Variants in PHYHIP observed in about 807,000 individuals in gnomAD.
The protein encoded by PHYHIP is phytanoyl-CoA hydroxylase-interacting protein.
PHYHIP carries 7 observed loss-of-function variants against 26.1 expected under a neutral mutation model. That is an observed-to-expected ratio of 0.27 (90% confidence interval 0.15 to 0.50). The LOEUF is 0.50. PHYHIP is among the 20% of genes least tolerant of loss of function. The pLI, the probability that PHYHIP is intolerant of heterozygous loss-of-function variation, is 0.98. For synonymous variants in PHYHIP, 206 were observed against 183.4 expected (o/e 1.12, Z -1.00); for missense variants, 232 against 454.7 (o/e 0.51, Z 4.45).
At chr8:22,223,582 G>T (rs139615205) in intron 4 of PHYHIP, among the ~76,000 whole-genome samples, 1 of 152,282 alleles carries the variant, frequency 6.6e-6, no homozygotes, top group African/African-American at 2.4e-5. Context: ...TAGGCTGAGG[G>T]TGTTGGATCA....
At chr8:22,231,419 C>T (rs1268095509) in intron 1 of PHYHIP, among the ~76,000 whole-genome samples, 2 of 152,226 alleles carry the variant, frequency 1.3e-5, no homozygotes, top group Non-Finnish European at 2.9e-5. Flanking sequence ...TGCGGACAGA[C>T]GGACCTATCT....
Position 22,226,947 on chromosome 8 carries a change from T to A in PHYHIP, c.244A>T (p.Thr82Ser). ...GTCTGCACGGCCACACTGTACTCCG[T>A]GCGGGGGCTCAGGAACCAGTGGCCT... ...VRGHWFLSPR[T>S]EYSVAVQTAV... Residue 82 changes from threonine to serine, a missense_variant, in exon 3 of 5, where the codon ACG becomes TCG. Transcript: ENST00000454243. 6.2e-7 allele frequency: 1 copy of A among 1,614,056 alleles called. No individual in the cohort carries two copies. Among genetic ancestry groups the A allele is most frequent in the Non-Finnish European group, 8.5e-7 (1 of 1,180,010 alleles).
At chr8:22,223,157 G>A (rs1157325977) in intron 4 of PHYHIP, among the ~76,000 whole-genome samples, 1 of 151,974 alleles carries the variant, frequency 6.6e-6, no homozygotes, top group Admixed American at 6.6e-5. Context: ...GAGGTCAGGA[G>A]TTTGAGACCA....
chr8:22,221,827 G>C lies in PHYHIP; in HGVS notation c.519C>G (p.Ser173=), dbSNP rs773262808. ...CCCCGTGGAGCATACCGCTGGTGGGGGAGCCGTGGCTGCCACTGTTGTCCT... is the reference window on the plus strand; with the variant it reads ...CCCCGTGGAGCATACCGCTGGTGGGCGAGCCGTGGCTGCCACTGTTGTCCT... ...YLKDNSGSHG[S]PTSGMLHGVF... is the part of the protein sequence containing the mutation. The change falls in exon 5 of 5, where the codon TCC becomes TCG. Residue 173 remains serine (S), a synonymous_variant. Coordinates refer to ENST00000454243, the MANE Select transcript of PHYHIP (RefSeq NM_014759.5). The surrounding 1 kb of genome is among the most constrained non-coding windows in gnomAD (Gnocchi z 7.9). 1.9e-6 allele frequency: 3 copies of C among 1,592,608 alleles called. No homozygotes were observed. The East Asian group carries it at 6.8e-5, about 36-fold the overall frequency.
intron 1 of PHYHIP, 150 bp from the exon 2 acceptor site, chr8:22,228,536 G>A: frequency 1.8e-6 from 1 of 563,032 alleles, no homozygotes; most frequent in Non-Finnish European, 3.2e-6. Flanking sequence ...GTACAGGGGA[G>A]GCTGGAGAAG....
intron 2 of PHYHIP, chr8:22,227,567 CT>C: frequency 2.2e-6 from 1 of 455,982 alleles, no homozygotes; most frequent in Non-Finnish European, 4.4e-6. Flanking sequence ...CTCACTCCCC[CT>C]GCCTCTGCCA....
Position 22,221,584 on chromosome 8 carries a change from C to A in PHYHIP, c.762G>T (p.Leu254=). 6.2e-7 allele frequency: 1 copy of A among 1,614,080 alleles called. No individual in the cohort carries two copies. Among genetic ancestry groups the A allele is most frequent in the Non-Finnish European group, 8.5e-7 (1 of 1,180,008 alleles). Residue 254 remains leucine (L), a synonymous_variant, in exon 5 of 5, where the codon CTG becomes CTT. Transcript: ENST00000454243. This position sits in a 1 kb window ranked among gnomAD's most constrained non-coding sequence, Gnocchi z 7.9. ...TGTTGCAAGCAATGTCCAGGAGGGG[C>A]AGGCGGTCGCGGCAGAAGCGGTCCC... ...SLGDRFCRDR[L]PLLDIACNKF...
Position 22,224,353 on chromosome 8 carries a change from C to A in PHYHIP, c.341-10G>T, listed in dbSNP as rs1586489409. 1 of 1,526,596 alleles carries A rather than the reference C, an allele frequency of 6.6e-7. No individual in the cohort carries two copies. Among genetic ancestry groups the A allele is most frequent in the East Asian group, 2.2e-5 (1 of 44,456 alleles). The allele number at this position is 1,526,596 out of a possible 1,614,324, so 94.6% of individuals were successfully genotyped here. A position where few individuals can be genotyped will look rare whatever the true frequency, so the allele number is the denominator to read the frequency against. Reference sequence around the variant, plus strand: ...TGCTCCTTGGCATAATCTGCAAGATCCCAGATGCGGTAGGTGAGCCGAGGG... The same window carrying A: ...TGCTCCTTGGCATAATCTGCAAGATACCAGATGCGGTAGGTGAGCCGAGGG... On this transcript the variant is annotated splice_polypyrimidine_tract_variant and intron_variant, in intron 3 of 4. Transcript: ENST00000454243.
At chr8:22,228,072 G>T in intron 2 of PHYHIP, 121 bp downstream of exon 2, 2 of 805,988 alleles carry the variant, frequency 2.5e-6, no homozygotes, top group South Asian at 3.3e-5. Context: ...AATGACACAG[G>T]AAGAAGAGTG....
At chr8:22,226,368 T>G (rs1279159776) in intron 3 of PHYHIP, among the ~76,000 whole-genome samples, 4 of 152,182 alleles carry the variant, frequency 2.6e-5, no homozygotes, top group African/African-American at 9.6e-5. Flanking sequence ...GAAAGTAGAA[T>G]GGTAGCTAGC....
chr8:22,227,327 C>T (rs1340928580), intron 2 of PHYHIP, among the ~76,000 whole-genome samples: 5 of 152,178 alleles, frequency 3.3e-5, no homozygotes. Flanking sequence ...GAGAGCTCTG[C>T]ACACTGCAGT....
chr8:22,228,370 G>T lies in PHYHIP; in HGVS notation c.-13C>A. The T allele has an allele frequency of 6.4e-7, 1 of 1,574,630 alleles. No homozygotes were observed. Among genetic ancestry groups the T allele is most frequent in the Non-Finnish European group, 8.6e-7 (1 of 1,159,348 alleles). On this transcript the variant is annotated 5_prime_UTR_variant, in exon 2 of 5. Transcript: ENST00000454243. ...ACAGCAGCTCCATGCTCCCGTCAGGGTTGTCTCCTGTGGGGACTGAGGAGG... is the reference window on the plus strand; with the variant it reads ...ACAGCAGCTCCATGCTCCCGTCAGGTTTGTCTCCTGTGGGGACTGAGGAGG...
At position 22,221,910 on chromosome 8, in the gene PHYHIP, C is replaced by T; in HGVS notation, c.459-23G>A. ...GTCCTGCCCACCCCAGGGAGACACACCAAAGGGAAGAGAAGATGTGGCTGG... is the reference window on the plus strand; with the variant it reads ...GTCCTGCCCACCCCAGGGAGACACATCAAAGGGAAGAGAAGATGTGGCTGG... On this transcript the variant is annotated intron_variant, in intron 4 of 4. Transcript: ENST00000454243. This position sits in a 1 kb window ranked among gnomAD's most constrained non-coding sequence, Gnocchi z 7.9. 4 of 1,478,774 alleles carry T rather than the reference C, an allele frequency of 2.7e-6. No individual in the cohort carries two copies. The highest frequency in any genetic ancestry group is 3.6e-6 in the Non-Finnish European group (4 of 1,112,558). The allele number at this position is 1,478,774 out of a possible 1,614,324, so 91.6% of individuals were successfully genotyped here.
rs1385060371 is a variant in PHYHIP at position 22,223,916 on chromosome 8, C to T, written c.458+310G>A. ...GCCCCAGGGCCTGAATCGGAGAGAC[C>T]TGTGGTGGTAGACCCCTGTGAAAGG... On this transcript the variant is annotated intron_variant, in intron 4 of 4. Transcript: ENST00000454243. The T allele has an allele frequency of 1.1e-5, 3 of 278,546 alleles. No individual in the cohort carries two copies. The East Asian group carries it at 2.6e-4, about 24-fold the overall frequency. 17.3% of individuals were successfully genotyped at this position (278,546 alleles called of 1,614,324 possible). A position where few individuals can be genotyped will look rare whatever the true frequency, so the allele number is the denominator to read the frequency against.
Position 22,221,407 on chromosome 8 carries a change from G to A in PHYHIP, c.939C>T (p.Ala313=), listed in dbSNP as rs113533102. The change falls in exon 5 of 5, where the codon GCC becomes GCT. Residue 313 remains alanine (A), a synonymous_variant. Transcript: ENST00000454243. This position sits in a 1 kb window ranked among gnomAD's most constrained non-coding sequence, Gnocchi z 7.9. ...SGHQLMSLST[A]DAKKDPSCKT... ...TGCAGCTGGGGTCCTTCTTGGCATC[G>A]GCAGTAGACAGACTCATGAGCTGGT... 2.1e-3 allele frequency: 3,399 copies of A among 1,609,996 alleles called. 7 individuals carry two copies. Among genetic ancestry groups the A allele is most frequent in the Non-Finnish European group, 2.5e-3 (2,988 of 1,176,966 alleles).
intron 1 of PHYHIP, among the ~76,000 whole-genome samples, chr8:22,231,180 C>T (rs144360973): frequency 6.0e-4 from 92 of 152,254 alleles, no homozygotes; most frequent in Middle Eastern, 3.4e-3. Context: ...CCCACTCCAT[C>T]CTGCTCTGGG....
intron 1 of PHYHIP, among the ~76,000 whole-genome samples, chr8:22,230,952 C>T (rs936602544): frequency 2.6e-5 from 4 of 152,228 alleles, no homozygotes; most frequent in Admixed American, 6.5e-5. Context: ...GCACGCAACC[C>T]ACACGCCTGC....
intron 2 of PHYHIP, 87 bp from the exon 3 acceptor site, chr8:22,227,112 A>C: frequency 8.3e-7 from 1 of 1,201,276 alleles, no homozygotes; most frequent in Admixed American, 2.4e-5. Context: ...CCCACTCCCC[A>C]GATGGCCCTG....
At chr8:22,228,574 G>T (rs764102695) in intron 1 of PHYHIP, 188 bp from the exon 2 acceptor site, 13 of 502,714 alleles carry the variant, frequency 2.6e-5, no homozygotes, top group Non-Finnish European at 4.6e-5. Context: ...AGGGGTGCCT[G>T]CCCGGGGGGC....
Sources: gnomAD v4.1 joint callset for allele counts (sites outside exome capture counted in the v4.1 genomes callset) on GRCh38, gnomAD v4.1.1 for gene constraint, Gnocchi (gnomAD v3.1) non-coding constraint, MANE v1.5 for transcripts, NCBI Gene and HGNC (gene_info 2026-07-23, HGNC 2026-07-21) for gene names.